The following IMMP2L variants were observed in gnomAD, a reference collection of about 807,000 sequenced individuals.
IMMP2L encodes mitochondrial inner membrane protease subunit 2.
In IMMP2L, 18 loss-of-function variants were observed where a neutral mutation model predicts 19.3. That is an observed-to-expected ratio of 0.93 (90% CI 0.64 to 1.38). IMMP2L has a LOEUF of 1.38. Ranked by LOEUF, IMMP2L falls within the 40% of genes most tolerant of loss-of-function variation. The pLI, the probability that IMMP2L is intolerant of heterozygous loss-of-function variation, is 0.00. For synonymous variants in IMMP2L, 76 were observed against 73.0 expected, an observed-to-expected ratio of 1.04 and a Z score of -0.21; for missense variants, 233 against 218.2, an observed-to-expected ratio of 1.07 and a Z score of -0.43.
chr7:110,781,745 G>A (rs1403641829), intron 5 of IMMP2L, among the ~76,000 whole-genome samples: 1 of 151,726 alleles, frequency 6.6e-6, no homozygotes, highest in East Asian at 1.9e-4. Flanking sequence ...ATTAACAACA[G>A]ACTGTGCCTA....
intron 3 of IMMP2L, among the ~76,000 whole-genome samples, chr7:111,328,473 G>A (rs1825550824): frequency 6.6e-6 from 1 of 151,434 alleles, no homozygotes; most frequent in African/African-American, 2.4e-5. Context: ...ATTATTTCAG[G>A]GCCCACAAAT....
chr7:111,521,410 T>A lies in IMMP2L; in HGVS notation c.38A>T (p.Lys13Met), dbSNP rs1469871063. 6.2e-7 allele frequency: 1 copy of A among 1,612,946 alleles called. No individual in the cohort carries two copies. Among genetic ancestry groups the A allele is most frequent in the South Asian group, 1.1e-5 (1 of 91,000 alleles). The change falls in exon 2 of 6, where the codon AAG becomes ATG. Residue 13 changes from lysine (K) to methionine (M), a missense_variant. Lys to Met is a moderately conservative substitution (Grantham distance 95). Transcript: ENST00000405709. ...CACAAAGAAGCCTTTACAAAAGGCCTTGATGTATCTTTTCACCCACCCTTG... is the reference window on the plus strand; with the variant it reads ...CACAAAGAAGCCTTTACAAAAGGCCATGATGTATCTTTTCACCCACCCTTG... Reference protein sequence around the residue: ...QSQGWVKRYIKAFCKGFFVAV... With the variant: ...QSQGWVKRYIMAFCKGFFVAV...
At chr7:110,816,601 A>C (rs966866214) in intron 5 of IMMP2L, among the ~76,000 whole-genome samples, 1 of 151,514 alleles carries the variant, frequency 6.6e-6, no homozygotes, top group African/African-American at 2.4e-5. Context: ...GTGGGAGTCT[A>C]AGTCTCTTTG....
At chr7:110,928,351 G>GCACACACACACA (rs58639346) in intron 4 of IMMP2L, among the ~76,000 whole-genome samples, 26 of 117,106 alleles carry the variant, frequency 2.2e-4, no homozygotes, top group Non-Finnish European at 3.0e-4. Context: ...ATATGTACCT[G>GCACACACACACA]CACACACACA....
chr7:111,214,342 T>TC (rs1377573341), intron 3 of IMMP2L, among the ~76,000 whole-genome samples: 1 of 124,622 alleles, frequency 8.0e-6, no homozygotes, highest in South Asian at 2.8e-4. Flanking sequence ...TTTTTTTTTT[T>TC]TTTTTTTTTT....
intron 3 of IMMP2L, among the ~76,000 whole-genome samples, chr7:111,120,741 A>C (rs1325481193): frequency 6.6e-6 from 1 of 152,164 alleles, no homozygotes; most frequent in Non-Finnish European, 1.5e-5. Flanking sequence ...CACTTTATGC[A>C]AAGGAGACTA....
chr7:111,261,094 C>A (rs1454680927), intron 3 of IMMP2L, among the ~76,000 whole-genome samples: 3 of 152,054 alleles, frequency 2.0e-5, no homozygotes, highest in Admixed American at 2.0e-4. Context: ...GTTCATAGGT[C>A]AAGAAACTTC....
At chr7:111,186,999 C>T (rs142276275) in intron 3 of IMMP2L, among the ~76,000 whole-genome samples, 1,814 of 151,986 alleles carry the variant, frequency 0.012, 44 homozygotes, top group African/African-American at 0.041. Context: ...AATTAGTCTA[C>T]TTAGTTCTGG....
At chr7:110,721,788 C>A (rs916500405) in intron 5 of IMMP2L, among the ~76,000 whole-genome samples, 10 of 151,880 alleles carry the variant, frequency 6.6e-5, no homozygotes, top group African/African-American at 2.4e-4. Flanking sequence ...GTGTGCTTAC[C>A]GGAAGGGACT....
chr7:111,081,745 G>A (rs907601373), intron 3 of IMMP2L, among the ~76,000 whole-genome samples: 8 of 151,714 alleles, frequency 5.3e-5, no homozygotes, highest in Non-Finnish European at 8.9e-5. Context: ...ACTTCCTCCT[G>A]TGACTTTCTA....
intron 3 of IMMP2L, among the ~76,000 whole-genome samples, chr7:111,354,963 A>G (rs1356999915): frequency 6.6e-6 from 1 of 151,918 alleles, no homozygotes; most frequent in Non-Finnish European, 1.5e-5. Flanking sequence ...AAACACAGCT[A>G]TATAGGTACT....
chr7:111,388,768 C>T (rs947007950), intron 3 of IMMP2L, among the ~76,000 whole-genome samples: 7 of 151,952 alleles, frequency 4.6e-5, no homozygotes, highest in African/African-American at 1.5e-4. Flanking sequence ...CAGGAAAGAC[C>T]GGCCCCCATG....
intron 4 of IMMP2L, among the ~76,000 whole-genome samples, chr7:110,955,124 C>A (rs1270617285): frequency 1.3e-5 from 2 of 151,822 alleles, no homozygotes; most frequent in Non-Finnish European, 2.9e-5. Flanking sequence ...TATATATGAA[C>A]TTAAGGTGAC....
chr7:111,390,975 C>T (rs17158547), intron 3 of IMMP2L, among the ~76,000 whole-genome samples: 1 of 152,102 alleles, frequency 6.6e-6, no homozygotes, highest in African/African-American at 2.4e-5. Flanking sequence ...TACTTCACTA[C>T]TAAAATATAT....
At chr7:111,202,716 T>C (rs867773317) in intron 3 of IMMP2L, among the ~76,000 whole-genome samples, 5 of 151,968 alleles carry the variant, frequency 3.3e-5, no homozygotes, top group Non-Finnish European at 7.4e-5. Flanking sequence ...TCTTTAGAAA[T>C]GAGATAAAGA....
At chr7:111,390,313 C>T (rs946030752) in intron 3 of IMMP2L, among the ~76,000 whole-genome samples, 43 of 152,136 alleles carry the variant, frequency 2.8e-4, no homozygotes, top group African/African-American at 1.0e-3. Context: ...TGGCTTCCTC[C>T]CCTGCTCAAT....
In IMMP2L at chr7:110,673,102, C is replaced by T. The variant is rs1220519956; in HGVS notation, c.409-9381G>A. Among the ~76,000 whole-genome samples, 4 of 152,212 alleles carry T rather than the reference C, an allele frequency of 2.6e-5. 1 individual carries two copies. Among genetic ancestry groups the T allele is most frequent in the South Asian group, 4.1e-4 (2 of 4,832 alleles). Reference sequence around the variant, plus strand: ...CTGCAGCAGACTCCTTCCTGGACATCCAGGCATTTCCATATATCCTCTGAA... The same window carrying T: ...CTGCAGCAGACTCCTTCCTGGACATTCAGGCATTTCCATATATCCTCTGAA... On this transcript the variant is annotated intron_variant, in intron 5 of 5. Transcript: ENST00000405709.
rs111596310 is a variant in IMMP2L, at chr7:110,802,366, T to C, written c.408+84227A>G. ...GTGTGTGTGTGTGTGTGTGTGTGTG[T>C]GTGCCTGTGTCTGTGTTGGTAAGTA... On this transcript the variant is annotated intron_variant, in intron 5 of 5. Transcript: ENST00000405709. Among the ~76,000 whole-genome samples, 8 of 145,846 alleles carry C rather than the reference T, an allele frequency of 5.5e-5. No individual in the cohort carries two copies. The South Asian group carries it at 1.5e-3, about 28-fold the overall frequency.
At chr7:111,138,384 C>A (rs1252316563) in intron 3 of IMMP2L, among the ~76,000 whole-genome samples, 3 of 152,170 alleles carry the variant, frequency 2.0e-5, no homozygotes, top group Non-Finnish European at 4.4e-5. Flanking sequence ...AATGACGTGG[C>A]AGCCCTCCAG....
Sources: allele counts gnomAD v4.1 joint callset (sites outside exome capture counted in the v4.1 genomes callset), GRCh38; gene constraint gnomAD v4.1.1; transcripts MANE v1.5; gene names NCBI Gene and HGNC (gene_info 2026-07-23, HGNC 2026-07-21).